The following SLC38A8 variants were observed in gnomAD, a reference collection of about 807,000 sequenced individuals.
SLC38A8 encodes the protein amino acid transporter SLC38A8.
A neutral mutation model predicts 46.0 loss-of-function variants in SLC38A8; 65 were observed. That is an observed-to-expected ratio of 1.41 (90% CI 1.16 to 1.74). The LOEUF is 1.74. Among genes scored for constraint, SLC38A8 ranks in the 40% most tolerant of loss-of-function variants. The pLI, the probability that SLC38A8 is intolerant of heterozygous loss-of-function variation, is 0.00. For missense variants in SLC38A8, 998 were observed against 567.9 expected, an observed-to-expected ratio of 1.76 and a Z score of -7.70; for synonymous variants, 447 against 243.7, an observed-to-expected ratio of 1.83 and a Z score of -7.77.
chr16:84,022,632 G>A lies in SLC38A8; in HGVS notation c.805+143C>T, dbSNP rs916001366. The A allele has an allele frequency of 6.2e-6, 4 of 645,274 alleles. 1 individual carries two copies. The highest frequency in any genetic ancestry group is 3.1e-5 in the Admixed American group (1 of 31,862). The allele number at this position is 645,274 out of a possible 1,614,324, so 40.0% of individuals were successfully genotyped here. A position where few individuals can be genotyped will look rare whatever the true frequency, so the allele number is the denominator to read the frequency against. ...TCTATGAAATGAGGCCTTTTCCTAT[G>A]CACACTAAGGATTAAATAAGATGCT... On this transcript the variant is annotated intron_variant, in intron 7 of 10. Coordinates refer to ENST00000299709, the MANE Select transcript of SLC38A8 (RefSeq NM_001080442.3).
chr16:84,014,132 CAG>C (rs2084994162), intron 9 of SLC38A8, among the ~76,000 whole-genome samples: 1 of 151,768 alleles, frequency 6.6e-6, no homozygotes, highest in Non-Finnish European at 1.5e-5. Context: ...AACCTCCTCT[CAG>C]AGCCTGAGGG....
intron 8 of SLC38A8, 68 bp from the exon 9 acceptor site, chr16:84,016,795 C>A: frequency 6.6e-7 from 1 of 1,507,202 alleles, no homozygotes; most frequent in Non-Finnish European, 9.0e-7. Context: ...GACAGCTGCT[C>A]CCCAGTCCTC....
At chr16:84,017,342 T>C in intron 7 of SLC38A8, 55 bp from the exon 8 acceptor site, 1 of 1,590,644 alleles carries the variant, frequency 6.3e-7, no homozygotes. Context: ...TGCTGCCCCC[T>C]CCCCCACCAA....
At chr16:84,030,123 G>A (rs1009942633) in intron 5 of SLC38A8, among the ~76,000 whole-genome samples, 14 of 152,160 alleles carry the variant, frequency 9.2e-5, no homozygotes, top group Non-Finnish European at 2.1e-4. Flanking sequence ...CTTATTGGAA[G>A]GGAAAACAGA....
intron 6 of SLC38A8, 128 bp downstream of exon 6, chr16:84,029,366 G>C: frequency 3.3e-6 from 3 of 902,232 alleles, no homozygotes; most frequent in Non-Finnish European, 5.1e-6. Context: ...GCGGCACAGA[G>C]CCCACTGTAT....
rs770255634 is a variant in SLC38A8, at chr16:84,042,039, G to A, written c.119C>T (p.Ala40Val). ...VFILMKSALG[A>V]GLLNFPWAFS... ...GGCCCAGGGGAAGTTGAGCAGGCCA[G>A]CTCCCAGCGCGGACTTCATGAGGAT... Residue 40 changes from alanine to valine, a missense_variant, in exon 2 of 11, where the codon GCT becomes GTT. Coordinates refer to ENST00000299709, the MANE Select transcript of SLC38A8 (RefSeq NM_001080442.3). 5 of 1,613,754 alleles carry A rather than the reference G, an allele frequency of 3.1e-6. No individual in the cohort carries two copies. In the African/African-American group the frequency reaches 4.0e-5, roughly 13 times the overall value.
At chr16:84,019,665 T>C (rs957889128) in intron 7 of SLC38A8, among the ~76,000 whole-genome samples, 2 of 152,200 alleles carry the variant, frequency 1.3e-5, no homozygotes, top group African/African-American at 4.8e-5. Context: ...CCCCAAAGTC[T>C]TCATTCGCTC....
At chr16:84,023,565 A>G (rs2085121534) in intron 6 of SLC38A8, among the ~76,000 whole-genome samples, 1 of 152,104 alleles carries the variant, frequency 6.6e-6, no homozygotes, top group South Asian at 2.1e-4. Context: ...ACCTCAACAC[A>G]GACGAATCTC....
chr16:84,015,574 C>G (rs535425811), intron 9 of SLC38A8, among the ~76,000 whole-genome samples: 1 of 650 alleles, frequency 1.5e-3, no homozygotes, highest in Admixed American at 0.031. Flanking sequence ...GCTGTGCCCC[C>G]GGCGGGGGTT....
At chr16:84,035,821 G>A (rs2085293977) in intron 3 of SLC38A8, among the ~76,000 whole-genome samples, 2 of 152,246 alleles carry the variant, frequency 1.3e-5, no homozygotes, top group African/African-American at 4.8e-5. Context: ...AGGCTAATCT[G>A]CAATCGCAGC....
chr16:84,027,756 C>T (rs1290456522), intron 6 of SLC38A8, among the ~76,000 whole-genome samples: 3 of 152,182 alleles, frequency 2.0e-5, no homozygotes, highest in East Asian at 1.9e-4. Flanking sequence ...GCCCAGGCCT[C>T]GTTGCTAGGA....
intron 5 of SLC38A8, among the ~76,000 whole-genome samples, chr16:84,030,764 C>G (rs7195247): frequency 1.3e-5 from 2 of 151,912 alleles, no homozygotes; most frequent in East Asian, 1.9e-4. Context: ...ATGCGGGGAC[C>G]CTTGTTGGAC....
intron 2 of SLC38A8, among the ~76,000 whole-genome samples, chr16:84,039,667 G>C (rs544341757): frequency 8.1e-5 from 12 of 147,454 alleles, no homozygotes; most frequent in African/African-American, 2.5e-4. Flanking sequence ...AGAATCGCTT[G>C]AACCAGGGAG....
chr16:84,017,308 A>T, intron 7 of SLC38A8, 21 bp from the exon 8 acceptor site: 1 of 1,613,638 alleles, frequency 6.2e-7, no homozygotes, highest in African/African-American at 1.3e-5. Context: ...GAAAGGATGG[A>T]AGCCACAGAG....
At chr16:84,025,776 G>A (rs553604431) in intron 6 of SLC38A8, among the ~76,000 whole-genome samples, 1 of 152,374 alleles carries the variant, frequency 6.6e-6, no homozygotes, top group Admixed American at 6.5e-5. Flanking sequence ...GGAGGGCACA[G>A]TGGCCTCCTC....
In SLC38A8 at chr16:84,012,976, G is replaced by A. The variant is rs751209781; in HGVS notation, c.1214+25C>T. ...CTCTGATCCGGGGCACACCCAGGGT[G>A]CCACCTCATCTTAGGGACACTTACT... On this transcript the variant is annotated intron_variant, in intron 10 of 10. Transcript: ENST00000299709. 6.2e-6 allele frequency: 10 copies of A among 1,613,224 alleles called. No homozygotes were observed. In the African/African-American group the frequency reaches 8.0e-5, roughly 13 times the overall value.
intron 6 of SLC38A8, among the ~76,000 whole-genome samples, chr16:84,024,071 TG>T (rs2151119034): frequency 6.6e-6 from 1 of 152,328 alleles, no homozygotes; most frequent in African/African-American, 2.4e-5. Context: ...GCAGTGTCCC[TG>T]GCCGGGACCT....
intron 2 of SLC38A8, 67 bp downstream of exon 2, chr16:84,041,902 G>A (rs979174171): frequency 7.0e-7 from 1 of 1,425,582 alleles, no homozygotes; most frequent in South Asian, 1.4e-5. Flanking sequence ...GCAATGCGAG[G>A]AACCCCACCC....
Position 84,009,865 on chromosome 16 carries a change from C to T in SLC38A8, c.1227G>A (p.Glu409=), listed in dbSNP as rs548009066. Residue 409 remains glutamate, a synonymous_variant, in exon 11 of 11, where the codon GAG becomes GAA. Transcript: ENST00000299709. Reference sequence around the variant, plus strand: ...CCAGCACAGAGACCACTCCCCAGACCTCCAGGCAGCACCTGCCAAGTGAAT... The same window carrying T: ...CCAGCACAGAGACCACTCCCCAGACTTCCAGGCAGCACCTGCCAAGTGAAT... ...PIGPRVKCCL[E]VWGVVSVLVG... is the part of the protein sequence containing the mutation. 1.2e-6 allele frequency: 2 copies of T among 1,613,898 alleles called. No homozygotes were observed.
Sources: allele counts gnomAD v4.1 joint callset (sites outside exome capture counted in the v4.1 genomes callset), GRCh38; gene constraint gnomAD v4.1.1; transcripts MANE v1.5; gene names NCBI Gene and HGNC (gene_info 2026-07-23, HGNC 2026-07-21).